The following VTI1A variants were observed in gnomAD, a reference collection of about 807,000 sequenced individuals.
VTI1A encodes vesicle transport through interaction with t-SNAREs homolog 1A.
In VTI1A, 22 loss-of-function variants were observed where a neutral mutation model predicts 34.9. That is an observed-to-expected ratio of 0.63 (90% confidence interval 0.45 to 0.90). The LOEUF (loss-of-function observed/expected upper bound fraction) is 0.90. Ranked by LOEUF, VTI1A falls within the 40% of genes least tolerant of loss-of-function variation. VTI1A has a pLI of 0.00. For missense variants in VTI1A, 268 were observed against 275.6 expected, an observed-to-expected ratio of 0.97 and a Z score of 0.20; for synonymous variants, 87 against 97.3, an observed-to-expected ratio of 0.89 and a Z score of 0.62.
At chr10:112,472,751 A>G (rs1848137416) in intron 3 of VTI1A, among the ~76,000 whole-genome samples, 1 of 152,152 alleles carries the variant, frequency 6.6e-6, no homozygotes, top group South Asian at 2.1e-4. Flanking sequence ...TCTCAGTGGT[A>G]ATATGTGGTA....
At chr10:112,623,790 A>T (rs1281541244) in intron 5 of VTI1A, among the ~76,000 whole-genome samples, 1 of 152,174 alleles carries the variant, frequency 6.6e-6, no homozygotes, top group East Asian at 1.9e-4. Flanking sequence ...CCAGCTTCTG[A>T]TTAACAACCT....
chr10:112,617,289 G>C (rs58996410), intron 5 of VTI1A, among the ~76,000 whole-genome samples: 2 of 152,086 alleles, frequency 1.3e-5, no homozygotes, highest in Non-Finnish European at 1.5e-5. Context: ...TCAACATTGT[G>C]TCTTTCAATA....
At chr10:112,711,739 TG>T (rs1849424072) in intron 7 of VTI1A, among the ~76,000 whole-genome samples, 17 of 152,356 alleles carry the variant, frequency 1.1e-4, no homozygotes, top group Admixed American at 1.0e-3. Context: ...TTCTACTATG[TG>T]GTCCATAGCG....
intron 7 of VTI1A, among the ~76,000 whole-genome samples, chr10:112,675,478 C>T (rs559603669): frequency 3.9e-5 from 6 of 152,158 alleles, no homozygotes; most frequent in Non-Finnish European, 8.8e-5. Flanking sequence ...CAGATTCCAC[C>T]ATTGAGGGTG....
chr10:112,496,199 C>CG (rs1363323935), intron 3 of VTI1A, among the ~76,000 whole-genome samples: 2 of 116,362 alleles, frequency 1.7e-5, no homozygotes, highest in South Asian at 3.8e-4. Context: ...CCCCCCCCCC[C>CG]CCGCCGTCTC....
At position 112,815,365 on chromosome 10, in the gene VTI1A, T is replaced by G. The variant is rs1292476932; in HGVS notation, c.636T>G (p.Phe212Leu). 6.2e-7 allele frequency: 1 copy of G among 1,613,926 alleles called. No individual in the cohort carries two copies. The highest frequency in any genetic ancestry group is 8.5e-7 in the Non-Finnish European group (1 of 1,179,940). ...TCACCATCCTGATGGCGATCACTTT[T>G]TCTGTCAGAAGACACTGATGTATCT... is the stretch of plus-strand genomic sequence containing the variant. ...VVITILMAIT[F>L]SVRRH is the part of the protein sequence containing the mutation. The change falls in exon 8 of 8, where the codon TTT becomes TTG. Residue 212 changes from phenylalanine (F) to leucine (L), a missense_variant. Physicochemically the swap from Phe to Leu is conservative, Grantham distance 22 (BLOSUM62 0). Coordinates refer to ENST00000393077, the MANE Select transcript of VTI1A (RefSeq NM_145206.4).
rs1045514168 is a variant in VTI1A, at chr10:112,697,287, G to A, written c.560+28289G>A. ...CGGCACTCTGCAACCTCCGCCTCCCGGGTTCAAGTGATTGTCTTGCCTCAG... is the reference window on the plus strand; with the variant it reads ...CGGCACTCTGCAACCTCCGCCTCCCAGGTTCAAGTGATTGTCTTGCCTCAG... On this transcript the variant is annotated intron_variant, in intron 7 of 7. Transcript: ENST00000393077. 5.3e-5 allele frequency among the ~76,000 whole-genome samples: 8 copies of A among 151,460 alleles called. No homozygotes were observed. The East Asian group carries it at 9.7e-4, about 18-fold the overall frequency.
At chr10:112,668,404 G>A (rs1327671370) in intron 6 of VTI1A, 116 bp downstream of exon 6, 7 of 1,115,846 alleles carry the variant, frequency 6.3e-6, no homozygotes, top group East Asian at 2.6e-5. Context: ...GTGAAAGAGG[G>A]TATAAGGTCT....
the VTI1A span, among the ~76,000 whole-genome samples, chr10:112,830,645 C>T: frequency 1.3e-5 from 2 of 150,326 alleles, 1 homozygote; most frequent in Non-Finnish European, 2.9e-5. Flanking sequence ...AGGAGCAGTA[C>T]TCAGAGCCTG....
chr10:112,565,930 T>C (rs1306654717), intron 5 of VTI1A, among the ~76,000 whole-genome samples: 1 of 152,122 alleles, frequency 6.6e-6, no homozygotes, highest in African/African-American at 2.4e-5. Flanking sequence ...ATAATAGAAA[T>C]TTAAATGTAT....
intron 7 of VTI1A, among the ~76,000 whole-genome samples, chr10:112,699,590 T>C (rs1350435115): frequency 6.6e-6 from 1 of 152,128 alleles, no homozygotes; most frequent in Non-Finnish European, 1.5e-5. Context: ...CCCAGCACTT[T>C]GGGAGGCCAA....
chr10:112,453,030 A>T (rs1331879904), intron 1 of VTI1A, among the ~76,000 whole-genome samples: 3 of 152,128 alleles, frequency 2.0e-5, no homozygotes, highest in Admixed American at 2.0e-4. Flanking sequence ...GTACTCATGG[A>T]TTTTTAGGCC....
At chr10:112,749,297 GAC>G (rs1348669118) in intron 7 of VTI1A, among the ~76,000 whole-genome samples, 3 of 152,176 alleles carry the variant, frequency 2.0e-5, no homozygotes, top group African/African-American at 7.2e-5. Flanking sequence ...ACTGCTTACT[GAC>G]ACTCTATTTG....
At position 112,738,697 on chromosome 10, in the gene VTI1A, A is replaced by G. The variant is rs1447599808; in HGVS notation, c.560+69699A>G. ...TCTGGATCTTAATGGTTATTTTCTT[A>G]TAAGACTGTTGAGTTTACAGTACGA... On this transcript the variant is annotated intron_variant, in intron 7 of 7. Coordinates refer to ENST00000393077, the MANE Select transcript of VTI1A (RefSeq NM_145206.4). Among the ~76,000 whole-genome samples, 3 of 152,308 alleles carry G rather than the reference A, an allele frequency of 2.0e-5. No homozygotes were observed. The East Asian group carries it at 5.8e-4, about 29-fold the overall frequency.
chr10:112,781,901 G>C (rs368703081), intron 7 of VTI1A, among the ~76,000 whole-genome samples: 7 of 152,034 alleles, frequency 4.6e-5, no homozygotes, highest in African/African-American at 1.7e-4. Context: ...GTGGTCCGAG[G>C]CTCTTCCTGC....
rs557983988 is a variant in VTI1A, at chr10:112,815,477, C to T, written c.*94C>T. 2.8e-6 allele frequency: 3 copies of T among 1,066,750 alleles called. No individual in the cohort carries two copies. The African/African-American group carries it at 4.7e-5, about 17-fold the overall frequency. The allele number at this position is 1,066,750 out of a possible 1,614,324, so 66.1% of individuals were successfully genotyped here. On this transcript the variant is annotated 3_prime_UTR_variant, in exon 8 of 8. Coordinates refer to ENST00000393077, the MANE Select transcript of VTI1A (RefSeq NM_145206.4). Reference sequence around the variant, plus strand: ...TGAATCATTCTGTTGCGCTGACAGGCCCCAGGTGACCCTCTCTCTCCCTCA... The same window carrying T: ...TGAATCATTCTGTTGCGCTGACAGGTCCCAGGTGACCCTCTCTCTCCCTCA...
intron 3 of VTI1A, among the ~76,000 whole-genome samples, chr10:112,481,588 T>C (rs1848458273): frequency 6.6e-6 from 1 of 152,256 alleles, no homozygotes; most frequent in African/African-American, 2.4e-5. Context: ...ACACTATATA[T>C]GTCCATTTTT....
chr10:112,463,865 A>G (rs1229597709), intron 2 of VTI1A, among the ~76,000 whole-genome samples: 1 of 152,214 alleles, frequency 6.6e-6, no homozygotes, highest in Admixed American at 6.5e-5. Context: ...ATAATAGCTT[A>G]CTTTATCTTC....
At chr10:112,491,269 A>G (rs990252431) in intron 3 of VTI1A, among the ~76,000 whole-genome samples, 1 of 152,208 alleles carries the variant, frequency 6.6e-6, no homozygotes, top group Non-Finnish European at 1.5e-5. Flanking sequence ...TGTTTTAACA[A>G]TCCTTGGAAA....
Sources: gnomAD v4.1 joint callset for allele counts (sites outside exome capture counted in the v4.1 genomes callset) on GRCh38, gnomAD v4.1.1 for gene constraint, MANE v1.5 for transcripts, NCBI Gene and HGNC (gene_info 2026-07-23, HGNC 2026-07-21) for gene names.